USP32: variants seen among roughly 807,000 people sequenced by gnomAD.
USP32 encodes ubiquitin specific peptidase 32, also known as ubiquitin carboxyl-terminal hydrolase 32.
A neutral mutation model predicts 204.8 loss-of-function variants in USP32; 59 were observed. The observed-to-expected ratio is 0.29, with a 90% CI of 0.23 to 0.36. The LOEUF is 0.36. USP32 is among the 10% of genes least tolerant of loss of function. The pLI, the probability that USP32 is intolerant of heterozygous loss-of-function variation, is 1.00. For synonymous variants in USP32, 517 were observed against 678.4 expected (o/e 0.76, Z 3.70); for missense variants, 1,160 against 1,946.4 (o/e 0.60, Z 7.60).
In USP32 at chr17:60,335,759, T is replaced by C. The variant is rs929050552; in HGVS notation, c.186+9722A>G. ...GGCCCTTAGCCTTATTCCTTAGCAA[T>C]TATTTTTCAAGAAGTGGGCAATGGG... On this transcript the variant is annotated intron_variant, in intron 2 of 33. Transcript: ENST00000300896. 7.7e-5 allele frequency among the ~76,000 whole-genome samples: 11 copies of C among 143,080 alleles called. 4 individuals carry two copies. The highest frequency in any genetic ancestry group is 3.3e-4 in the African/African-American group (11 of 33,486). The allele number at this position is 143,080 out of a possible 152,430, so 93.9% of individuals were successfully genotyped here.
Position 60,181,579 on chromosome 17 carries a change from T to C in USP32, c.4293A>G (p.Lys1431=), listed in dbSNP as rs1242298914. The part of the protein sequence containing the change: ...SSSKENLDAS[K]ENGAGQICEL... ...CACATATCTGCCCAGCCCCATTTTC[T>C]TTGCTGGCATCCAAGTTCTCTTTAC... The change falls in exon 32 of 34, where the codon AAA becomes AAG. Residue 1431 remains lysine, a synonymous_variant. Transcript: ENST00000300896. The C allele has an allele frequency of 6.2e-7, 1 of 1,614,028 alleles. No individual in the cohort carries two copies. The highest frequency in any genetic ancestry group is 1.7e-5 in the Admixed American group (1 of 60,018).
chr17:60,304,096 T>A (rs1200301938), intron 2 of USP32, among the ~76,000 whole-genome samples: 3 of 151,624 alleles, frequency 2.0e-5, no homozygotes, highest in African/African-American at 7.3e-5. Context: ...ACACCTATAA[T>A]CCCAAAAACC....
intron 7 of USP32, among the ~76,000 whole-genome samples, chr17:60,266,528 G>A (rs1014595794): frequency 2.0e-5 from 3 of 152,026 alleles, no homozygotes; most frequent in Non-Finnish European, 2.9e-5. Context: ...TCGCTCTGTC[G>A]CCCAGGCTAG....
At chr17:60,407,968 A>T (rs2089991679) in intron 1 of USP32, among the ~76,000 whole-genome samples, 1 of 151,608 alleles carries the variant, frequency 6.6e-6, no homozygotes, top group African/African-American at 2.4e-5. Context: ...CGTGGGGGTG[A>T]GCGCCTATAG....
At chr17:60,242,499 C>T (rs1416217467) in intron 11 of USP32, among the ~76,000 whole-genome samples, 5 of 152,204 alleles carry the variant, frequency 3.3e-5, no homozygotes, top group East Asian at 3.9e-4. Flanking sequence ...CAACCTCCGC[C>T]TCCTGGGCTC....
Position 60,294,723 on chromosome 17 carries a change from T to A in USP32, c.371A>T (p.Asp124Val). The change falls in exon 4 of 34, where the codon GAT becomes GTT. Residue 124 changes from aspartate (D) to valine (V), a missense_variant. Asp to Val is a radical substitution (Grantham distance 152, BLOSUM62 -3). Around this residue, in one of 8 missense-constraint regions of USP32, gnomAD observed 536 missense variants for 680.9 expected, o/e 0.79. Coordinates refer to ENST00000300896, the MANE Select transcript of USP32 (RefSeq NM_032582.4). ...EEMERMLHVV[D>V]GKVPDTLRKC... is the part of the protein sequence containing the mutation. ...CCTGAGTGTATCTGGGACTTTACCA[T>A]CCACCACGTGGAGCATTCTTTCCAT... The A allele has an allele frequency of 6.2e-7, 1 of 1,613,128 alleles. No individual in the cohort carries two copies. Among genetic ancestry groups the A allele is most frequent in the Non-Finnish European group, 8.5e-7 (1 of 1,179,394 alleles).
chr17:60,374,026 A>T (rs1236268601), intron 1 of USP32, among the ~76,000 whole-genome samples: 1 of 152,076 alleles, frequency 6.6e-6, no homozygotes, highest in Non-Finnish European at 1.5e-5. Flanking sequence ...TCTACTAAAA[A>T]TACAAAAATT....
At chr17:60,184,008 C>T (rs372788029) in intron 30 of USP32, among the ~76,000 whole-genome samples, 5 of 152,054 alleles carry the variant, frequency 3.3e-5, no homozygotes, top group Admixed American at 6.6e-5. Flanking sequence ...ACCCGTCAGC[C>T]GGGCGCAGTG....
At chr17:60,191,296 G>A (rs1450668485) in intron 28 of USP32, among the ~76,000 whole-genome samples, 3 of 150,888 alleles carry the variant, frequency 2.0e-5, no homozygotes, top group African/African-American at 7.3e-5. Flanking sequence ...CAGCTACTTG[G>A]GAGGCTGAGG....
At chr17:60,179,466 A>C in intron 33 of USP32, 38 bp from the exon 34 acceptor site, 5 of 1,608,768 alleles carry the variant, frequency 3.1e-6, no homozygotes, top group Non-Finnish European at 4.2e-6. Context: ...AAAAGCCATC[A>C]CTACTATGGC....
At chr17:60,389,368 C>T (rs1266704127) in intron 1 of USP32, among the ~76,000 whole-genome samples, 2 of 151,872 alleles carry the variant, frequency 1.3e-5, no homozygotes, top group African/African-American at 2.4e-5. Flanking sequence ...ATGATGAAAC[C>T]CCATCTCTAC....
chr17:60,363,704 G>C (rs1341830017), intron 1 of USP32, among the ~76,000 whole-genome samples: 2 of 151,510 alleles, frequency 1.3e-5, no homozygotes, highest in Non-Finnish European at 2.9e-5. Flanking sequence ...TCCCTACGTT[G>C]CCCAGGCTAG....
intron 2 of USP32, among the ~76,000 whole-genome samples, chr17:60,309,046 T>C (rs141822323): frequency 1.5e-3 from 232 of 151,958 alleles, no homozygotes; most frequent in South Asian, 5.0e-3. Context: ...AAAAAAACAT[T>C]GGGGGAAATG....
At chr17:60,408,182 G>GA (rs1301519356) in intron 1 of USP32, among the ~76,000 whole-genome samples, 1 of 151,976 alleles carries the variant, frequency 6.6e-6, no homozygotes, top group Non-Finnish European at 1.5e-5. Flanking sequence ...AAGCAGGGGG[G>GA]AAAAATCAGG....
intron 14 of USP32, 134 bp downstream of exon 14, chr17:60,223,277 A>C: frequency 1.4e-6 from 1 of 710,692 alleles, no homozygotes; most frequent in South Asian, 1.9e-5. Flanking sequence ...AATGTACTAT[A>C]CAAAGAGATG....
intron 11 of USP32, among the ~76,000 whole-genome samples, chr17:60,242,724 A>G (rs1030469506): frequency 6.6e-6 from 1 of 152,194 alleles, no homozygotes; most frequent in African/African-American, 2.4e-5. Flanking sequence ...TCCTTTTAAA[A>G]TATCAATTCC....
chr17:60,386,883 T>C (rs1259461792), intron 1 of USP32, among the ~76,000 whole-genome samples: 1 of 152,156 alleles, frequency 6.6e-6, no homozygotes, highest in African/African-American at 2.4e-5. Context: ...AACAGTGAGA[T>C]TAGTGAAAAC....
At chr17:60,371,388 G>A (rs2089438510) in intron 1 of USP32, among the ~76,000 whole-genome samples, 1 of 151,778 alleles carries the variant, frequency 6.6e-6, no homozygotes, top group Admixed American at 6.6e-5. Flanking sequence ...CCAATGTGGT[G>A]AAACCCCGTC....
intron 33 of USP32, 47 bp downstream of exon 33, chr17:60,180,498 G>A (rs532619376): frequency 6.3e-7 from 1 of 1,577,540 alleles, no homozygotes; most frequent in East Asian, 2.2e-5. Context: ...CCCCAGTTCT[G>A]TTGATATTCT....
Sources: allele counts gnomAD v4.1 joint callset (sites outside exome capture counted in the v4.1 genomes callset), GRCh38; gene constraint gnomAD v4.1.1; regional missense constraint gnomAD v4.1.1; transcripts MANE v1.5; gene names NCBI Gene and HGNC (gene_info 2026-07-23, HGNC 2026-07-21).